The following CDK8 variants were observed in gnomAD, a reference collection of about 807,000 sequenced individuals.
The protein encoded by CDK8 is cyclin dependent kinase 8.
Under a neutral mutation model 71.5 loss-of-function variants are expected in CDK8, and 29 were observed. The observed-to-expected ratio is 0.41, with a 90% CI of 0.30 to 0.55. The LOEUF is 0.55. CDK8 is among the 20% of genes least tolerant of loss of function. The pLI is 0.37. For missense variants in CDK8, 288 were observed against 572.6 expected, an observed-to-expected ratio of 0.50 and a Z score of 5.07; for synonymous variants, 161 against 192.1, an observed-to-expected ratio of 0.84 and a Z score of 1.34.
intron 1 of CDK8, among the ~76,000 whole-genome samples, chr13:26,265,481 A>G (rs912242502): frequency 1.8e-4 from 27 of 152,218 alleles, no homozygotes; most frequent in Non-Finnish European, 3.1e-4. Flanking sequence ...GTTATAGTGC[A>G]GGTGAGAGAG....
chr13:26,257,955 G>T (rs1871602329), intron 1 of CDK8, among the ~76,000 whole-genome samples: 2 of 151,396 alleles, frequency 1.3e-5, no homozygotes, highest in Admixed American at 6.6e-5. Context: ...CTTTCTTTGG[G>T]GCACATTTGT....
chr13:26,334,676 A>G (rs1383699033), intron 1 of CDK8, among the ~76,000 whole-genome samples: 2 of 152,220 alleles, frequency 1.3e-5, no homozygotes, highest in Non-Finnish European at 2.9e-5. Flanking sequence ...AAACAAAGAT[A>G]AAGCAATGTT....
At chr13:26,297,829 CAA>C (rs1413594700) in intron 1 of CDK8, among the ~76,000 whole-genome samples, 1 of 152,126 alleles carries the variant, frequency 6.6e-6, no homozygotes, top group Non-Finnish European at 1.5e-5. Context: ...ATAAACAACA[CAA>C]ATTATTTCTC....
intron 4 of CDK8, among the ~76,000 whole-genome samples, chr13:26,374,285 T>A (rs529885802): frequency 7.2e-5 from 11 of 152,218 alleles, no homozygotes; most frequent in Admixed American, 7.2e-4. Context: ...AGGGCCTTGC[T>A]CATTATCGTC....
intron 1 of CDK8, among the ~76,000 whole-genome samples, chr13:26,266,295 T>TA (rs1326870928): frequency 6.6e-6 from 1 of 152,212 alleles, no homozygotes; most frequent in South Asian, 2.1e-4. Flanking sequence ...TTAAAGTACT[T>TA]AAAGTGGTAG....
intron 4 of CDK8, among the ~76,000 whole-genome samples, chr13:26,366,159 G>C (rs1309640618): frequency 6.6e-5 from 10 of 152,046 alleles, no homozygotes; most frequent in African/African-American, 2.4e-4. Context: ...AGTTATTGGT[G>C]CCATTGGCCA....
intron 1 of CDK8, among the ~76,000 whole-genome samples, chr13:26,336,502 G>C (rs907093056): frequency 6.6e-6 from 1 of 150,868 alleles, no homozygotes; most frequent in Non-Finnish European, 1.5e-5. Context: ...GGACCAAAAG[G>C]TTTGAGAACA....
chr13:26,278,070 A>C (rs1437221076), intron 1 of CDK8, among the ~76,000 whole-genome samples: 1 of 152,202 alleles, frequency 6.6e-6, no homozygotes, highest in African/African-American at 2.4e-5. Flanking sequence ...TCTTTCTACA[A>C]ATGGTTTCAA....
intron 2 of CDK8, among the ~76,000 whole-genome samples, chr13:26,345,866 G>C (rs1873442116): frequency 6.6e-6 from 1 of 152,124 alleles, no homozygotes; most frequent in African/African-American, 2.4e-5. Context: ...GTTAATAAAG[G>C]CCTCTGCAGT....
chr13:26,329,309 A>G (rs1288302006), intron 1 of CDK8, among the ~76,000 whole-genome samples: 1 of 151,852 alleles, frequency 6.6e-6, no homozygotes, highest in African/African-American at 2.4e-5. Context: ...AATTTTCATC[A>G]TGGTCCCATC....
chr13:26,393,062 C>T (rs1306958457), intron 6 of CDK8, among the ~76,000 whole-genome samples: 2 of 152,104 alleles, frequency 1.3e-5, no homozygotes, highest in Non-Finnish European at 2.9e-5. Context: ...TGAAAACTCA[C>T]CAAAATCCAG....
chr13:26,375,323 T>C (rs955385941), intron 4 of CDK8, among the ~76,000 whole-genome samples: 2 of 152,140 alleles, frequency 1.3e-5, no homozygotes, highest in Non-Finnish European at 2.9e-5. Context: ...AACACGAAAA[T>C]CTCTTGAAAA....
At chr13:26,396,506 A>G (rs974831998) in intron 8 of CDK8, 152 bp downstream of exon 8, 12 of 363,390 alleles carry the variant, frequency 3.3e-5, no homozygotes, top group Non-Finnish European at 5.1e-5. Flanking sequence ...TTTCATGATG[A>G]CAGTCTTTAT....
intron 1 of CDK8, among the ~76,000 whole-genome samples, chr13:26,332,989 A>C (rs900281611): frequency 1.3e-5 from 2 of 152,114 alleles, no homozygotes; most frequent in African/African-American, 4.8e-5. Flanking sequence ...GGAAAATTCC[A>C]CATCTGATTT....
chr13:26,349,800 A>T (rs769658908), intron 3 of CDK8, among the ~76,000 whole-genome samples: 2 of 152,202 alleles, frequency 1.3e-5, no homozygotes, highest in Admixed American at 1.3e-4. Flanking sequence ...TTAACTATTC[A>T]CAATTGAATT....
At chr13:26,278,297 T>C (rs1246665582) in intron 1 of CDK8, among the ~76,000 whole-genome samples, 1 of 152,204 alleles carries the variant, frequency 6.6e-6, no homozygotes, top group Non-Finnish European at 1.5e-5. Flanking sequence ...CTGTTTTGCC[T>C]TTAAAAGTTG....
chr13:26,350,034 G>A (rs540709382), intron 3 of CDK8, among the ~76,000 whole-genome samples: 1 of 152,158 alleles, frequency 6.6e-6, no homozygotes, highest in Non-Finnish European at 1.5e-5. Context: ...AACATGTACA[G>A]GTTTGTAGCC....
chr13:26,294,296 C>T (rs1199430981), intron 1 of CDK8, among the ~76,000 whole-genome samples: 1 of 151,848 alleles, frequency 6.6e-6, no homozygotes, highest in Non-Finnish European at 1.5e-5. Flanking sequence ...ATGCCCTGCT[C>T]TACACACTAT....
At chr13:26,315,620 C>T (rs1228404122) in intron 1 of CDK8, among the ~76,000 whole-genome samples, 3 of 152,124 alleles carry the variant, frequency 2.0e-5, no homozygotes, top group Non-Finnish European at 4.4e-5. Flanking sequence ...TTTCTTTCCT[C>T]TCTGTGGAAC....
Sources: gnomAD v4.1 joint callset for allele counts (sites outside exome capture counted in the v4.1 genomes callset) on GRCh38, gnomAD v4.1.1 for gene constraint, MANE v1.5 for transcripts, NCBI Gene and HGNC (gene_info 2026-07-23, HGNC 2026-07-21) for gene names.